NINJ2: variants seen among roughly 807,000 people sequenced by gnomAD.
NINJ2 encodes ninjurin-2.
In NINJ2, 12 loss-of-function variants were observed where a neutral mutation model predicts 11.7. The observed-to-expected ratio is 1.02, with a 90% CI of 0.66 to 1.66. The LOEUF (loss-of-function observed/expected upper bound fraction) is 1.66. NINJ2 is among the 40% of genes most tolerant of loss of function. The pLI is 0.00. For missense variants in NINJ2, 187 were observed against 181.8 expected, an observed-to-expected ratio of 1.03 and a Z score of -0.16; for synonymous variants, 93 against 76.8, an observed-to-expected ratio of 1.21 and a Z score of -1.10.
chr12:599,821 A>G (rs940411283), intron 1 of NINJ2, among the ~76,000 whole-genome samples: 1 of 152,108 alleles, frequency 6.6e-6, no homozygotes, highest in Admixed American at 6.6e-5. Context: ...CGGGGGGCTC[A>G]CATTCCTCCC....
rs546074670 is a variant in NINJ2, at chr12:580,860, G to A, written c.34-14682C>T. Among the ~76,000 whole-genome samples the A allele has an allele frequency of 1.3e-3, 190 of 151,898 alleles. 1 individual carries two copies. The highest frequency in any genetic ancestry group is 3.1e-3 in the Admixed American group (47 of 15,246). On this transcript the variant is annotated intron_variant, in intron 1 of 3. Coordinates refer to ENST00000305108, the MANE Select transcript of NINJ2 (RefSeq NM_016533.6). This position sits in a 1 kb window ranked among gnomAD's most constrained non-coding sequence, Gnocchi z 4.7. ...TATGCATGTGTGTCTGTGTGTGCAT[G>A]AGTGTCTGTGTGAATGTGTCTATGC...
intron 1 of NINJ2, among the ~76,000 whole-genome samples, chr12:607,760 T>C (rs2120928851): frequency 6.6e-6 from 1 of 152,192 alleles, no homozygotes; most frequent in Admixed American, 6.5e-5. Context: ...CAGCTCCAAA[T>C]TGCTTTTTCA....
At chr12:572,473 G>T (rs12370021) in intron 1 of NINJ2, among the ~76,000 whole-genome samples, 9,344 of 152,318 alleles carry the variant, frequency 0.061, 374 homozygotes, top group Middle Eastern at 0.12. Context: ...CAAAGGGAAA[G>T]GGTGGGTCCC....
intron 1 of NINJ2, among the ~76,000 whole-genome samples, chr12:622,244 C>A (rs1310314467): frequency 4.6e-5 from 7 of 151,128 alleles, no homozygotes; most frequent in African/African-American, 1.7e-4. Flanking sequence ...CCCGTCTCTA[C>A]TAAAAAATAC....
intron 1 of NINJ2, among the ~76,000 whole-genome samples, chr12:601,563 A>G (rs1947873937): frequency 1.3e-5 from 2 of 150,708 alleles, no homozygotes; most frequent in African/African-American, 4.9e-5. Context: ...AAAAAAAAAA[A>G]TAAATAAATA....
rs1305608045 is a variant in NINJ2 at position 628,792 on chromosome 12, T to C, written c.33+34536A>G. Among the ~76,000 whole-genome samples the C allele has an allele frequency of 6.6e-6, 1 of 152,202 alleles. No individual in the cohort carries two copies. Among genetic ancestry groups the C allele is most frequent in the Non-Finnish European group, 1.5e-5 (1 of 68,042 alleles). ...CTGGTTGTCCTCACTGCTCAGTATA[T>C]GCCAATTATACATTAGCATGCTAAG... On this transcript the variant is annotated intron_variant, in intron 1 of 3. Transcript: ENST00000305108. This position sits in a 1 kb window ranked among gnomAD's most constrained non-coding sequence, Gnocchi z 4.4.
chr12:602,200 C>T (rs993541512), intron 1 of NINJ2, among the ~76,000 whole-genome samples: 46 of 152,310 alleles, frequency 3.0e-4, no homozygotes, highest in African/African-American at 9.6e-4. Context: ...TTAAAGTGTA[C>T]GGTTCAGTGG....
chr12:645,858 G>A (rs1004893005), intron 1 of NINJ2: 5 of 152,100 alleles, frequency 3.3e-5, no homozygotes, highest in African/African-American at 1.2e-4. Context: ...CCTTATTAAA[G>A]AGCTTGTTTC....
chr12:572,538 G>A (rs997395496), intron 1 of NINJ2, among the ~76,000 whole-genome samples: 8 of 152,204 alleles, frequency 5.3e-5, no homozygotes, highest in Admixed American at 1.3e-4. Flanking sequence ...CTTTTAATTC[G>A]GTATCAGTCC....
rs375653740 is a variant in NINJ2 at position 649,086 on chromosome 12, G to T, written c.33+14242C>A. On this transcript the variant is annotated intron_variant, in intron 1 of 3. Transcript: ENST00000305108. ...TTTTTTTCGAGACGGAGTCTCTGTC[G>T]CCCAGGCTGGACTGCAGTGGCGCGA... Among the ~76,000 whole-genome samples the T allele has an allele frequency of 1.8e-4, 26 of 147,706 alleles. 1 individual carries two copies. Among genetic ancestry groups the T allele is most frequent in the African/African-American group, 6.3e-4 (25 of 39,820 alleles).
At position 566,054 on chromosome 12, in the gene NINJ2, A is replaced by G; in HGVS notation, c.158T>C (p.Val53Ala). ...GTGAGAGGATGGTCCCTGCTCCAGC[A>G]CCGCCTTCAGCCGCATGGCGTTGGA... ...FMSNAMRLKA[V>A]LEQGPSSHYY... is the part of the protein sequence containing the mutation. The change falls in exon 2 of 4, where the codon GTG becomes GCG. Residue 53 changes from valine (V) to alanine (A), a missense_variant. Transcript: ENST00000305108. The G allele has an allele frequency of 6.2e-7, 1 of 1,614,100 alleles. No homozygotes were observed. The highest frequency in any genetic ancestry group is 8.5e-7 in the Non-Finnish European group (1 of 1,180,010).
chr12:622,817 T>G (rs1218835433), intron 1 of NINJ2, among the ~76,000 whole-genome samples: 1 of 152,054 alleles, frequency 6.6e-6, no homozygotes, highest in Non-Finnish European at 1.5e-5. Context: ...CATGAATAAC[T>G]TTTCACATAA....
At chr12:630,343 T>TA (rs1262809691) in intron 1 of NINJ2, among the ~76,000 whole-genome samples, 1 of 152,138 alleles carries the variant, frequency 6.6e-6, no homozygotes, top group African/African-American at 2.4e-5. Context: ...TATTTTTTTT[T>TA]ATTCTCTTTT....
chr12:609,104 G>A (rs1215804193), intron 1 of NINJ2, among the ~76,000 whole-genome samples: 1 of 130,186 alleles, frequency 7.7e-6, no homozygotes, highest in African/African-American at 3.1e-5. Flanking sequence ...ACGCACGCAC[G>A]GCGCCACGCG....
chr12:621,055 T>TG (rs1472955557), intron 1 of NINJ2, among the ~76,000 whole-genome samples: 1 of 152,198 alleles, frequency 6.6e-6, no homozygotes, highest in Non-Finnish European at 1.5e-5. Context: ...CAAGCACTCC[T>TG]GAGTCTCTAG....
intron 1 of NINJ2, among the ~76,000 whole-genome samples, chr12:569,887 G>A (rs752308694): frequency 7.2e-5 from 11 of 152,218 alleles, no homozygotes; most frequent in Non-Finnish European, 1.3e-4. Context: ...CGGGTGCTGG[G>A]CGGGATCAGG....
Position 640,470 on chromosome 12 carries a change from A to G in NINJ2, c.33+22858T>C, listed in dbSNP as rs906524648. Among the ~76,000 whole-genome samples the G allele has an allele frequency of 6.6e-6, 1 of 152,144 alleles. No homozygotes were observed. The highest frequency in any genetic ancestry group is 2.4e-5 in the African/African-American group (1 of 41,428). ...TAGTCCCAACTACAGTCATTAATTC[A>G]TCCCTGGTACTTGACTTCTATTCCT... is the stretch of plus-strand genomic sequence containing the variant. On this transcript the variant is annotated intron_variant, in intron 1 of 3. Coordinates refer to ENST00000305108, the MANE Select transcript of NINJ2 (RefSeq NM_016533.6). This position sits in a 1 kb window ranked among gnomAD's most constrained non-coding sequence, Gnocchi z 4.0.
intron 1 of NINJ2, among the ~76,000 whole-genome samples, chr12:613,644 G>A (rs1384220981): frequency 2.0e-5 from 3 of 152,190 alleles, no homozygotes; most frequent in Non-Finnish European, 2.9e-5. Context: ...GGTGGCTCAC[G>A]CCTGTAATCC....
At chr12:601,741 C>G (rs1206834910) in intron 1 of NINJ2, among the ~76,000 whole-genome samples, 1 of 151,896 alleles carries the variant, frequency 6.6e-6, no homozygotes, top group Admixed American at 6.6e-5. Flanking sequence ...TGGCGGGTGC[C>G]TGTAATCCCA....
Sources: gnomAD v4.1 joint callset for allele counts (sites outside exome capture counted in the v4.1 genomes callset) on GRCh38, gnomAD v4.1.1 for gene constraint, Gnocchi (gnomAD v3.1) non-coding constraint, MANE v1.5 for transcripts, NCBI Gene and HGNC (gene_info 2026-07-23, HGNC 2026-07-21) for gene names.